The following STK3 variants were observed in gnomAD, a reference collection of about 807,000 sequenced individuals.
STK3 encodes the protein serine/threonine-protein kinase 3.
A neutral mutation model predicts 58.0 loss-of-function variants in STK3; 41 were observed. The observed-to-expected ratio is 0.71, with a 90% CI of 0.55 to 0.92. The LOEUF (loss-of-function observed/expected upper bound fraction) is 0.92, where lower values mean the gene tolerates loss of function less well. STK3 is among the 40% of genes least tolerant of loss of function. STK3 has a pLI of 0.00. For synonymous variants in STK3, 170 were observed against 191.0 expected, an observed-to-expected ratio of 0.89 and a Z score of 0.91; for missense variants, 479 against 602.7, an observed-to-expected ratio of 0.79 and a Z score of 2.15.
At chr8:98,740,275 T>G (rs890762736) in intron 4 of STK3, among the ~76,000 whole-genome samples, 1 of 151,830 alleles carries the variant, frequency 6.6e-6, no homozygotes, top group Non-Finnish European at 1.5e-5. Flanking sequence ...GAAGAGCAAC[T>G]CCAAGACACA....
At chr8:98,407,783 G>A (rs182475061) in intron 3 of STK3, among the ~76,000 whole-genome samples, 1 of 151,380 alleles carries the variant, frequency 6.6e-6, no homozygotes, top group South Asian at 2.1e-4. Context: ...TGCATGGTAT[G>A]ACTACTGGCC....
chr8:98,512,924 C>G (rs1489984426), intron 10 of STK3, among the ~76,000 whole-genome samples: 1 of 152,100 alleles, frequency 6.6e-6, no homozygotes. Flanking sequence ...TCCTCCAGAG[C>G]AGCAATTTGC....
At chr8:98,405,840 A>T (rs1817987990) in intron 3 of STK3, among the ~76,000 whole-genome samples, 1 of 152,184 alleles carries the variant, frequency 6.6e-6, no homozygotes, top group Non-Finnish European at 1.5e-5. Context: ...TGCTCTTTTT[A>T]AAACCATCAG....
chr8:98,553,881 T>G (rs981995258), intron 8 of STK3, among the ~76,000 whole-genome samples: 82 of 151,800 alleles, frequency 5.4e-4, no homozygotes, highest in African/African-American at 1.8e-3. Flanking sequence ...AGGAGAATCA[T>G]TTGAACCCGG....
chr8:98,739,650 CAG>C lies in STK3; in HGVS notation c.351+9624_351+9625del, dbSNP rs1455074865. ...TAAAACCACAAAGATGGGGAAAAAA[CAG>C]AGCAGAAAAACTGGAAACTCTAAAA... is the stretch of plus-strand genomic sequence containing the variant. On this transcript the variant is annotated intron_variant, in intron 4 of 10. Coordinates refer to ENST00000419617, the MANE Select transcript of STK3 (RefSeq NM_006281.4). Among the ~76,000 whole-genome samples, 8 of 148,406 alleles carry C rather than the reference CAG, an allele frequency of 5.4e-5. No homozygotes were observed. In the East Asian group the frequency reaches 1.4e-3, roughly 25 times the overall value.
chr8:98,926,480 C>A (rs1318593820), intron 1 of STK3, among the ~76,000 whole-genome samples: 1 of 152,098 alleles, frequency 6.6e-6, no homozygotes, highest in Non-Finnish European at 1.5e-5. Context: ...CCCCGTGATG[C>A]CCCCATATTA....
intron 6 of STK3, among the ~76,000 whole-genome samples, chr8:98,690,518 T>G (rs1824324202): frequency 6.8e-6 from 1 of 147,916 alleles, no homozygotes; most frequent in African/African-American, 2.5e-5. Flanking sequence ...CAAGGAGAAC[T>G]ACAAAAGACT....
intron 6 of STK3, among the ~76,000 whole-genome samples, chr8:98,680,166 ATC>A (rs946371051): frequency 1.3e-5 from 2 of 152,180 alleles, no homozygotes; most frequent in African/African-American, 4.8e-5. Context: ...TATCTGAAAG[ATC>A]TTTGGATCTT....
chr8:98,645,560 A>C (rs1481509014), intron 6 of STK3, among the ~76,000 whole-genome samples: 1 of 152,204 alleles, frequency 6.6e-6, no homozygotes, highest in Non-Finnish European at 1.5e-5. Flanking sequence ...ATCTATGAGG[A>C]AAATCAAAAT....
chr8:98,805,644 T>C (rs969134035), intron 1 of STK3, among the ~76,000 whole-genome samples: 6 of 152,118 alleles, frequency 3.9e-5, no homozygotes, highest in Admixed American at 3.3e-4. Flanking sequence ...GTCACTTGTA[T>C]GTTACATAAG....
At chr8:98,888,777 C>T (rs959917508) in intron 1 of STK3, among the ~76,000 whole-genome samples, 6 of 152,176 alleles carry the variant, frequency 3.9e-5, no homozygotes, top group African/African-American at 1.2e-4. Context: ...AACCTGAAAA[C>T]GGAAATTTTG....
At chr8:98,778,058 A>T (rs1330416335) in intron 1 of STK3, among the ~76,000 whole-genome samples, 2 of 152,228 alleles carry the variant, frequency 1.3e-5, no homozygotes, top group Non-Finnish European at 2.9e-5. Context: ...GAGCTTCTGC[A>T]CAGCAAAAGA....
intron 10 of STK3, among the ~76,000 whole-genome samples, chr8:98,469,143 T>C (rs1385852025): frequency 2.0e-5 from 3 of 150,154 alleles, no homozygotes; most frequent in Admixed American, 6.7e-5. Context: ...GATGAGAAAG[T>C]AATATGCCAC....
downstream of STK3, among the ~76,000 whole-genome samples, chr8:98,369,648 T>TA (rs893215878): frequency 3.3e-5 from 5 of 152,076 alleles, no homozygotes; most frequent in African/African-American, 1.2e-4. Context: ...AGGGGCCCAA[T>TA]AAAGAAATCA....
intron 3 of STK3, among the ~76,000 whole-genome samples, chr8:98,753,618 TAA>T (rs1830114898): frequency 6.6e-6 from 1 of 151,894 alleles, no homozygotes; most frequent in South Asian, 2.1e-4. Flanking sequence ...CCTCTGAACT[TAA>T]AATAAAAGTT....
intron 1 of STK3, among the ~76,000 whole-genome samples, chr8:98,775,842 G>A (rs79722420): frequency 0.024 from 3,643 of 152,188 alleles, 71 homozygotes; most frequent in Middle Eastern, 0.082. Flanking sequence ...CTGTCAGCAC[G>A]GCAGAGAAAA....
chr8:98,533,591 G>T (rs779238495), intron 9 of STK3, among the ~76,000 whole-genome samples: 1 of 152,046 alleles, frequency 6.6e-6, no homozygotes, highest in African/African-American at 2.4e-5. Context: ...GGGCTCAAGC[G>T]ATTTTCCCAT....
intron 3 of STK3, among the ~76,000 whole-genome samples, chr8:98,844,341 AT>A (rs1836112059): frequency 6.6e-6 from 1 of 152,200 alleles, no homozygotes; most frequent in South Asian, 2.1e-4. Flanking sequence ...TATCTTTGCA[AT>A]AATTGGTTCA....
At chr8:98,609,339 C>A (rs1239899466) in intron 6 of STK3, among the ~76,000 whole-genome samples, 11 of 151,976 alleles carry the variant, frequency 7.2e-5, no homozygotes, top group Non-Finnish European at 1.6e-4. Flanking sequence ...CATAATAACT[C>A]CTCAAAAAAA....
Sources: gnomAD v4.1 joint callset for allele counts (sites outside exome capture counted in the v4.1 genomes callset) on GRCh38, gnomAD v4.1.1 for gene constraint, MANE v1.5 for transcripts, NCBI Gene and HGNC (gene_info 2026-07-23, HGNC 2026-07-21) for gene names.